THAP12: variants seen among roughly 807,000 people sequenced by gnomAD.
THAP12 encodes the protein THAP domain containing 12.
Under a neutral mutation model 63.0 loss-of-function variants are expected in THAP12, and 20 were observed. That is an observed-to-expected ratio of 0.32 (90% CI 0.22 to 0.46). THAP12 has a LOEUF of 0.46. THAP12 is among the 20% of genes least tolerant of loss of function. THAP12 has a pLI of 1.00. For missense variants in THAP12, 568 were observed against 908.2 expected (o/e 0.63, Z 4.81); for synonymous variants, 264 against 328.4 (o/e 0.80, Z 2.12).
Position 76,352,731 on chromosome 11 carries a change from G to C in THAP12, c.419C>G (p.Pro140Arg). Residue 140 changes from proline to arginine, a missense_variant, in exon 5 of 5, where the codon CCC (proline) becomes CGC (arginine). Transcript: ENST00000260045. ...TTGCCCTTCACCCTCTTCTTCGCTG[G>C]GGTTCTGAGCATTGCTATTGTTGGT... Reference protein sequence around the residue: ...KETNNSNAQNPSEEEGEGQDE... With the variant: ...KETNNSNAQNRSEEEGEGQDE... 6.2e-7 allele frequency: 1 copy of C among 1,603,120 alleles called. No homozygotes were observed. Among genetic ancestry groups the C allele is most frequent in the Non-Finnish European group, 8.5e-7 (1 of 1,175,990 alleles).
chr11:76,375,456 T>A (rs1216439363), intron 1 of THAP12, among the ~76,000 whole-genome samples: 2 of 151,878 alleles, frequency 1.3e-5, no homozygotes, highest in African/African-American at 2.4e-5. Context: ...TTCACTTTTT[T>A]AAAAAAGAAG....
At chr11:76,380,683 C>A (rs1251794972) in intron 1 of THAP12, 65 bp downstream of exon 1, 17 of 1,231,848 alleles carry the variant, frequency 1.4e-5, no homozygotes, top group Non-Finnish European at 1.6e-5. Context: ...CCGCCAGGGG[C>A]CGGCGGCTGG....
At chr11:76,367,101 A>G (rs1946636760) in intron 1 of THAP12, among the ~76,000 whole-genome samples, 1 of 150,106 alleles carries the variant, frequency 6.7e-6, no homozygotes, top group Non-Finnish European at 1.5e-5. Context: ...TTTGAGACAG[A>G]GTTTTGCTCT....
At chr11:76,359,142 T>C (rs1332357749) in intron 3 of THAP12, 1 of 152,242 alleles carries the variant, frequency 6.6e-6, no homozygotes, top group Admixed American at 6.5e-5. Context: ...ATATATCATC[T>C]ATACCAGTAA....
At chr11:76,377,725 A>AT (rs1565237092) in intron 1 of THAP12, among the ~76,000 whole-genome samples, 1 of 152,154 alleles carries the variant, frequency 6.6e-6, no homozygotes, top group Non-Finnish European at 1.5e-5. Context: ...GTTTTTTTGA[A>AT]TATCAGTTTG....
At chr11:76,368,488 G>A (rs1284002804) in intron 1 of THAP12, 1 of 151,988 alleles carries the variant, frequency 6.6e-6, no homozygotes, top group South Asian at 2.1e-4. Flanking sequence ...AAAGAACCAG[G>A]GATAACCAAG....
chr11:76,355,458 T>C (rs1055175219), intron 4 of THAP12, among the ~76,000 whole-genome samples, 160 bp downstream of exon 4: 2 of 152,332 alleles, frequency 1.3e-5, no homozygotes, highest in Middle Eastern at 3.4e-3. Flanking sequence ...AATTAGACTT[T>C]AGTCTCATAG....
In THAP12 at chr11:76,351,496, G is replaced by A; in HGVS notation, c.1654C>T (p.Leu552Phe). Residue 552 changes from leucine to phenylalanine, a missense_variant, in exon 5 of 5, where the codon CTC becomes TTC. Physicochemically the swap from Leu to Phe is conservative, Grantham distance 22. Coordinates refer to ENST00000260045, the MANE Select transcript of THAP12 (RefSeq NM_004705.4). ...TGAGCTCTGCGGAATTTCCCAGGGAGTTTCATTTGAATATCAAGTTTGGTT... is the reference window on the plus strand; with the variant it reads ...TGAGCTCTGCGGAATTTCCCAGGGAATTTCATTTGAATATCAAGTTTGGTT... ...LATKLDIQMK[L>F]PGKFRRAHQG... 6.4e-7 allele frequency: 1 copy of A among 1,560,010 alleles called. No individual in the cohort carries two copies. The highest frequency in any genetic ancestry group is 8.7e-7 in the Non-Finnish European group (1 of 1,152,276).
At chr11:76,368,895 T>C (rs1370980273) in intron 1 of THAP12, among the ~76,000 whole-genome samples, 1 of 152,230 alleles carries the variant, frequency 6.6e-6, no homozygotes, top group Non-Finnish European at 1.5e-5. Context: ...GAGGAAAAGA[T>C]ATATAAATTA....
intron 1 of THAP12, among the ~76,000 whole-genome samples, chr11:76,376,750 T>A (rs1946714152): frequency 6.6e-6 from 1 of 151,782 alleles, no homozygotes; most frequent in South Asian, 2.1e-4. Flanking sequence ...TCACTAGATC[T>A]AAACACTTCT....
intron 2 of THAP12, among the ~76,000 whole-genome samples, chr11:76,363,152 T>A (rs918951534): frequency 9.2e-5 from 14 of 151,560 alleles, no homozygotes; most frequent in South Asian, 2.1e-4. Flanking sequence ...CAAAAAAAAA[T>A]AATAATAATA....
At chr11:76,355,494 T>G in intron 4 of THAP12, 124 bp downstream of exon 4, 1 of 850,792 alleles carries the variant, frequency 1.2e-6, no homozygotes, top group Non-Finnish European at 1.7e-6. Context: ...AGGACAAAAT[T>G]GAGCACACTC....
chr11:76,379,813 T>C (rs1296198419), intron 1 of THAP12, among the ~76,000 whole-genome samples: 1 of 152,190 alleles, frequency 6.6e-6, no homozygotes. Flanking sequence ...TGTTCATCTG[T>C]AACCCCCACT....
At chr11:76,380,653 C>T in intron 1 of THAP12, 95 bp downstream of exon 1, 1 of 994,840 alleles carries the variant, frequency 1.0e-6, no homozygotes, top group Non-Finnish European at 1.3e-6. Context: ...TCCTGCGCCC[C>T]TCTCAGCCAG....
intron 1 of THAP12, among the ~76,000 whole-genome samples, chr11:76,376,604 A>C (rs1439534235): frequency 7.0e-6 from 1 of 143,512 alleles, no homozygotes; most frequent in Non-Finnish European, 1.5e-5. Flanking sequence ...CGAATGCTAA[A>C]TTGTGTCTAT....
chr11:76,353,230 A>G (rs2134498415), intron 4 of THAP12, among the ~76,000 whole-genome samples: 1 of 152,318 alleles, frequency 6.6e-6, no homozygotes, highest in Admixed American at 6.5e-5. Flanking sequence ...TATGTAATGA[A>G]TGACAGTCCA....
chr11:76,376,332 G>A (rs899378669), intron 1 of THAP12, among the ~76,000 whole-genome samples: 5 of 152,180 alleles, frequency 3.3e-5, no homozygotes, highest in African/African-American at 1.2e-4. Context: ...ATTTGGTCTT[G>A]AAGCATTCAA....
chr11:76,371,699 C>T (rs1168224868), intron 1 of THAP12, among the ~76,000 whole-genome samples: 1 of 152,038 alleles, frequency 6.6e-6, no homozygotes, highest in South Asian at 2.1e-4. Flanking sequence ...CAAGGAGGCT[C>T]CTACTCTATC....
chr11:76,356,545 A>G (rs756527442), intron 3 of THAP12: 4 of 152,216 alleles, frequency 2.6e-5, no homozygotes, highest in African/African-American at 7.2e-5. Flanking sequence ...ATTACACTTC[A>G]TATCTATGGA....
Sources: gnomAD v4.1 joint callset for allele counts (sites outside exome capture counted in the v4.1 genomes callset) on GRCh38, gnomAD v4.1.1 for gene constraint, MANE v1.5 for transcripts, NCBI Gene and HGNC (gene_info 2026-07-23, HGNC 2026-07-21) for gene names.